RAPGEF1: variants seen among roughly 807,000 people sequenced by gnomAD.
RAPGEF1 encodes the protein Rap guanine nucleotide exchange factor 1, also known as CRK SH3-binding GNRP.
In RAPGEF1, 33 loss-of-function variants were observed where a neutral mutation model predicts 143.3. The observed-to-expected ratio is 0.23, with a 90% CI of 0.17 to 0.31. The LOEUF is 0.31. Among genes scored for constraint, RAPGEF1 ranks in the 10% least tolerant of loss-of-function variants. The pLI is 1.00. For synonymous variants in RAPGEF1, 629 were observed against 676.5 expected, an observed-to-expected ratio of 0.93 and a Z score of 1.09; for missense variants, 1,199 against 1,645.4, an observed-to-expected ratio of 0.73 and a Z score of 4.69.
intron 14 of RAPGEF1, among the ~76,000 whole-genome samples, chr9:131,603,219 T>C (rs1956560612): frequency 6.6e-6 from 1 of 152,204 alleles, no homozygotes; most frequent in South Asian, 2.1e-4. Flanking sequence ...GGGCCCGCCC[T>C]GGGGTGGATC....
At position 131,621,120 on chromosome 9, in the gene RAPGEF1, C is replaced by G. The variant is rs897394442; in HGVS notation, c.1905+676G>C. On this transcript the variant is annotated intron_variant, in intron 11 of 26. Transcript: ENST00000683357. The surrounding 1 kb of genome is among the most constrained non-coding windows in gnomAD (Gnocchi z 4.5). The stretch of plus-strand genomic sequence containing the variant: ...GGATGCCACAGGTACCCCCGATCTG[C>G]TCACCCTCCCAGTGCCTGGGCAGTT... Among the ~76,000 whole-genome samples the G allele has an allele frequency of 6.6e-6, 1 of 152,260 alleles. No individual in the cohort carries two copies. The highest frequency in any genetic ancestry group is 2.4e-5 in the African/African-American group (1 of 41,476).
chr9:131,588,434 A>G (rs1431960854), intron 20 of RAPGEF1, among the ~76,000 whole-genome samples: 2 of 152,350 alleles, frequency 1.3e-5, no homozygotes, highest in Admixed American at 6.5e-5. Context: ...ACAGACATGT[A>G]TAGGTGCAAA....
intron 22 of RAPGEF1, among the ~76,000 whole-genome samples, chr9:131,586,011 C>G (rs1164352003): frequency 6.6e-6 from 1 of 152,068 alleles, no homozygotes; most frequent in East Asian, 1.9e-4. Context: ...AACCCTGTCT[C>G]TACTAAAAAT....
intron 20 of RAPGEF1, among the ~76,000 whole-genome samples, chr9:131,588,456 G>A (rs1953579684): frequency 6.6e-6 from 1 of 152,218 alleles, no homozygotes; most frequent in Admixed American, 6.5e-5. Flanking sequence ...GACACTCACC[G>A]TCGGTGTCGA....
intron 1 of RAPGEF1, among the ~76,000 whole-genome samples, chr9:131,738,574 G>A (rs548590098): frequency 1.3e-5 from 2 of 152,292 alleles, no homozygotes; most frequent in South Asian, 2.1e-4. Flanking sequence ...GGGGCCTGCC[G>A]CCCTCTTGCT....
chr9:131,588,739 G>A, intron 20 of RAPGEF1, 62 bp downstream of exon 20: 1 of 1,497,574 alleles, frequency 6.7e-7, no homozygotes, highest in Non-Finnish European at 9.0e-7. Context: ...AGGGAGGGAG[G>A]GTAAACTGAG....
At chr9:131,731,165 G>A (rs1238363016) in intron 1 of RAPGEF1, among the ~76,000 whole-genome samples, 1 of 152,174 alleles carries the variant, frequency 6.6e-6, no homozygotes, top group African/African-American at 2.4e-5. Flanking sequence ...TCCTCTGTAG[G>A]ATGAGAACAG....
chr9:131,690,516 G>A (rs1480648958), intron 1 of RAPGEF1, among the ~76,000 whole-genome samples: 2 of 152,052 alleles, frequency 1.3e-5, no homozygotes, highest in Non-Finnish European at 2.9e-5. Flanking sequence ...TACACTGATG[G>A]GTCAGGCATG....
At chr9:131,599,123 A>G (rs1430907028) in intron 15 of RAPGEF1, among the ~76,000 whole-genome samples, 1 of 110,726 alleles carries the variant, frequency 9.0e-6, no homozygotes, top group Non-Finnish European at 1.9e-5. Flanking sequence ...GTGCCCAGCC[A>G]CTTATTTGTT....
chr9:131,665,467 G>A (rs763634399), intron 1 of RAPGEF1, among the ~76,000 whole-genome samples: 19 of 152,160 alleles, frequency 1.2e-4, no homozygotes, highest in Admixed American at 8.5e-4. Context: ...ATGGACGACC[G>A]CGATGGCTTT....
chr9:131,728,037 T>G (rs1402750040), intron 1 of RAPGEF1, among the ~76,000 whole-genome samples: 1 of 152,198 alleles, frequency 6.6e-6, no homozygotes, highest in Non-Finnish European at 1.5e-5. Context: ...CAAATAGCAC[T>G]GTGCTTCATG....
chr9:131,739,279 C>A (rs560591394), intron 1 of RAPGEF1, among the ~76,000 whole-genome samples: 3 of 152,324 alleles, frequency 2.0e-5, no homozygotes, highest in South Asian at 4.1e-4. Context: ...CCTCAAAATA[C>A]CCCCACTCAT....
chr9:131,621,879 C>G lies in RAPGEF1; in HGVS notation c.1822G>C (p.Gly608Arg). ...ACCCCACTGAAGGAGTCGCTGAAGC[C>G]GTATACCTCCATGAGGAGCTTGTTC... is the stretch of plus-strand genomic sequence containing the variant. ...QKNKLLMEVY[G>R]FSDSFSGVDS... The change falls in exon 11 of 27, where the codon GGC (glycine) becomes CGC (arginine). Residue 608 changes from glycine (G) to arginine (R), a missense_variant. Physicochemically the swap from Gly to Arg is moderately radical, Grantham distance 125. Around this residue, in one of 6 missense-constraint regions of RAPGEF1, gnomAD observed 293 missense variants for 356.2 expected, o/e 0.82. Coordinates refer to ENST00000683357, the MANE Select transcript of RAPGEF1 (RefSeq NM_001377935.1). This position sits in a 1 kb window ranked among gnomAD's most constrained non-coding sequence, Gnocchi z 4.5. 1.2e-6 allele frequency: 2 copies of G among 1,613,010 alleles called. No individual in the cohort carries two copies. Among genetic ancestry groups the G allele is most frequent in the Non-Finnish European group, 1.7e-6 (2 of 1,179,506 alleles).
Position 131,650,206 on chromosome 9 carries a change from G to A in RAPGEF1, c.238C>T (p.Leu80Phe). 1.2e-6 allele frequency: 2 copies of A among 1,613,964 alleles called. No individual in the cohort carries two copies. Among genetic ancestry groups the A allele is most frequent in the Non-Finnish European group, 1.7e-6 (2 of 1,179,842 alleles). The change falls in exon 3 of 27, where the codon CTC becomes TTC. Residue 80 changes from leucine to phenylalanine, a missense_variant. Leu to Phe is a conservative substitution (Grantham distance 22, BLOSUM62 0). Transcript: ENST00000683357. The surrounding 1 kb of genome is among the most constrained non-coding windows in gnomAD (Gnocchi z 4.7). ...TDRFLPEGYPLPLDLEQQAVE... is the reference protein window; with the variant it reads ...TDRFLPEGYPFPLDLEQQAVE... Reference sequence around the variant, plus strand: ...GCCTGCTGCTCCAGATCCAAGGGGAGAGGGTAGCCCTCTGGTAGAAATCTG... The same window carrying A: ...GCCTGCTGCTCCAGATCCAAGGGGAAAGGGTAGCCCTCTGGTAGAAATCTG...
intron 17 of RAPGEF1, 47 bp downstream of exon 17, chr9:131,596,251 C>A (rs780547840): frequency 2.3e-5 from 36 of 1,580,202 alleles, no homozygotes; most frequent in Non-Finnish European, 3.0e-5. Flanking sequence ...CCGAGTGGCA[C>A]CCGGGGCAGG....
chr9:131,611,193 T>A (rs1454518871), intron 12 of RAPGEF1, among the ~76,000 whole-genome samples: 2 of 152,240 alleles, frequency 1.3e-5, no homozygotes, highest in Admixed American at 6.5e-5. Flanking sequence ...TTGTCTTTGA[T>A]CCTGGTAAGA....
chr9:131,651,781 C>T (rs1030556554), intron 1 of RAPGEF1, among the ~76,000 whole-genome samples: 2 of 152,188 alleles, frequency 1.3e-5, no homozygotes, highest in Non-Finnish European at 2.9e-5. Context: ...CTGAGTAATG[C>T]ATCATTAGGC....
chr9:131,735,280 C>A (rs976004522), intron 1 of RAPGEF1, among the ~76,000 whole-genome samples: 1 of 152,180 alleles, frequency 6.6e-6, no homozygotes, highest in Non-Finnish European at 1.5e-5. Flanking sequence ...GCTGAGGAGG[C>A]CTTGGTCTGC....
At chr9:131,597,358 T>C (rs1389784400) in intron 16 of RAPGEF1, among the ~76,000 whole-genome samples, 2 of 152,244 alleles carry the variant, frequency 1.3e-5, no homozygotes, top group Non-Finnish European at 2.9e-5. Flanking sequence ...CCCAGCTGTG[T>C]GAGTACCCTC....
Sources: gnomAD v4.1 joint callset for allele counts (sites outside exome capture counted in the v4.1 genomes callset) on GRCh38, gnomAD v4.1.1 for gene constraint, gnomAD v4.1.1 regional missense constraint, Gnocchi (gnomAD v3.1) non-coding constraint, MANE v1.5 for transcripts, NCBI Gene and HGNC (gene_info 2026-07-23, HGNC 2026-07-21) for gene names.